FANCB: variants seen among roughly 807,000 people sequenced by gnomAD.
FANCB encodes the protein FA complementation group B, also known as Fanconi anemia group B protein.
Under a neutral mutation model 38.9 loss-of-function variants are expected in FANCB, and 5 were observed. The ratio of observed to expected loss-of-function variants is 0.13; its 90% CI spans 0.07 to 0.27. The LOEUF is 0.27. Among genes scored for constraint, FANCB ranks in the 10% least tolerant of loss-of-function variants. The pLI is 1.00. For missense variants in FANCB, 573 were observed against 602.7 expected, an observed-to-expected ratio of 0.95 and a Z score of 0.52; for synonymous variants, 236 against 215.4, an observed-to-expected ratio of 1.10 and a Z score of -0.84.
At chrX:14,839,480 T>A (rs1212642885), downstream of FANCB, among the ~76,000 whole-genome samples, 1 of 111,090 alleles carries the variant, frequency 9.0e-6, no homozygotes, top group East Asian at 2.8e-4. Flanking sequence ...CTCTACCCAA[T>A]GAGGATGGCA....
At chrX:14,725,720 T>C in the FANCB span, among the ~76,000 whole-genome samples, 1 of 112,199 alleles carries the variant, frequency 8.9e-6, no homozygotes, top group East Asian at 2.8e-4. Flanking sequence ...CAATTTCCCA[T>C]CTAGACAAGA....
At chrX:14,793,552 G>C in the FANCB span, among the ~76,000 whole-genome samples, 84 of 111,891 alleles carry the variant, frequency 7.5e-4, 1 homozygote, top group African/African-American at 2.6e-3. Context: ...AAGCTGTTAC[G>C]AAAAAAAGAT....
At chrX:14,781,829 A>G in the FANCB span, among the ~76,000 whole-genome samples, 1 of 112,139 alleles carries the variant, frequency 8.9e-6, no homozygotes. Context: ...AGATTTGAGG[A>G]GATTAATATT....
At chrX:14,810,938 G>T in the FANCB span, among the ~76,000 whole-genome samples, 1 of 112,164 alleles carries the variant, frequency 8.9e-6, no homozygotes, top group Non-Finnish European at 1.9e-5. Flanking sequence ...CACCCACAAA[G>T]GGAAGCCCAT....
chrX:14,785,160 C>A, the FANCB span, among the ~76,000 whole-genome samples: 2 of 111,658 alleles, frequency 1.8e-5, no homozygotes, highest in African/African-American at 6.5e-5. Context: ...GCATATGTAC[C>A]CCAGAACTTA....
At chrX:14,823,546 A>T in the FANCB span, among the ~76,000 whole-genome samples, 1 of 112,042 alleles carries the variant, frequency 8.9e-6, no homozygotes, top group Non-Finnish European at 1.9e-5. Context: ...AGTTGAACTT[A>T]CAGCGACCAT....
the FANCB span, chrX:14,731,784 A>C: frequency 8.9e-6 from 1 of 112,107 alleles, no homozygotes; most frequent in Non-Finnish European, 1.9e-5. Context: ...GCATTTGTTC[A>C]ATTTCAATAA....
At chrX:14,810,003 G>A in the FANCB span, among the ~76,000 whole-genome samples, 1 of 111,930 alleles carries the variant, frequency 8.9e-6, no homozygotes. Context: ...GAAACGATCA[G>A]ACAGCAGCAT....
chrX:14,756,688 G>A, the FANCB span, among the ~76,000 whole-genome samples: 41 of 111,321 alleles, frequency 3.7e-4, no homozygotes, highest in East Asian at 8.2e-3. Flanking sequence ...CTCGGGCAGC[G>A]GTCTTTGCTC....
the FANCB span, among the ~76,000 whole-genome samples, chrX:14,771,716 TCTGGC>T: frequency 3.6e-5 from 4 of 112,254 alleles, no homozygotes; most frequent in Non-Finnish European, 5.6e-5. Context: ...GAAGAGGCAA[TCTGGC>T]TTTTTGAGTT....
At chrX:14,723,714 A>G in the FANCB span, among the ~76,000 whole-genome samples, 1 of 111,354 alleles carries the variant, frequency 9.0e-6, no homozygotes, top group Non-Finnish European at 1.9e-5. Context: ...TATCTCAGAC[A>G]TTGCCAAACC....
At chrX:14,788,798 A>G in the FANCB span, among the ~76,000 whole-genome samples, 1 of 112,174 alleles carries the variant, frequency 8.9e-6, no homozygotes, top group Non-Finnish European at 1.9e-5. Context: ...ATTAGAAAGC[A>G]CAGCTGTAGG....
intron 3 of FANCB, among the ~76,000 whole-genome samples, chrX:14,862,614 G>C (rs917081823): frequency 7.1e-5 from 8 of 111,953 alleles, no homozygotes; most frequent in Non-Finnish European, 1.5e-4. Context: ...TCTTGAGTAA[G>C]TGTAAGTAAC....
At chrX:14,819,061 A>G in the FANCB span, among the ~76,000 whole-genome samples, 1 of 112,710 alleles carries the variant, frequency 8.9e-6, no homozygotes, top group Non-Finnish European at 1.9e-5. Flanking sequence ...TTAAATTTAA[A>G]TGCCAATTAA....
At chrX:14,869,759 G>T (rs986451896) in intron 1 of FANCB, among the ~76,000 whole-genome samples, 6 of 111,860 alleles carry the variant, frequency 5.4e-5, no homozygotes, top group Non-Finnish European at 1.1e-4. Context: ...CATATGAATG[G>T]TGTAGAGAAA....
chrX:14,779,136 T>G, the FANCB span, among the ~76,000 whole-genome samples: 11 of 111,800 alleles, frequency 9.8e-5, no homozygotes, highest in African/African-American at 3.6e-4. Flanking sequence ...CATGATCAGG[T>G]TGAAATACCC....
In FANCB at chrX:14,843,823, G is replaced by A; in HGVS notation, c.2324C>T (p.Ser775Phe). The A allele has an allele frequency of 8.3e-7, 1 of 1,210,133 alleles. No homozygotes were observed. The highest frequency in any genetic ancestry group is 1.1e-6 in the Non-Finnish European group (1 of 894,474). ...KELVTLSSLS[S>F]AIAKHESNFM... ...ATTGCTTTCATGTTTAGCTATGGCA[G>A]AAGAAAGAGAACTAAGGGTGACTAG... Residue 775 changes from serine to phenylalanine, a missense_variant, in exon 10 of 10, where the codon TCT becomes TTT. Ser to Phe is a radical substitution (Grantham distance 155, BLOSUM62 -2). Transcript: ENST00000650831.
At chrX:14,724,626 C>CAAA in the FANCB span, among the ~76,000 whole-genome samples, 2 of 49,581 alleles carry the variant, frequency 4.0e-5, 1 homozygote, top group East Asian at 3.8e-3. Flanking sequence ...AACTCTGTCT[C>CAAA]AAAAAAAAAA....
chrX:14,776,962 G>A, the FANCB span, among the ~76,000 whole-genome samples: 2 of 111,780 alleles, frequency 1.8e-5, no homozygotes, highest in Non-Finnish European at 3.8e-5. Flanking sequence ...GTAGAAAGAG[G>A]AATCAAGGAA....
Sources: gnomAD v4.1 joint callset for allele counts (sites outside exome capture counted in the v4.1 genomes callset) on GRCh38, gnomAD v4.1.1 for gene constraint, MANE v1.5 for transcripts, NCBI Gene and HGNC (gene_info 2026-07-23, HGNC 2026-07-21) for gene names.